PARD3B: variants seen among roughly 807,000 people sequenced by gnomAD.
PARD3B encodes the protein partitioning defective 3 homolog B.
Under a neutral mutation model 130.2 loss-of-function variants are expected in PARD3B, and 103 were observed. The observed-to-expected ratio is 0.79, with a 90% CI of 0.67 to 0.93. The LOEUF is 0.93. Among genes scored for constraint, PARD3B ranks in the 40% least tolerant of loss-of-function variants. The pLI, the probability that PARD3B is intolerant of heterozygous loss-of-function variation, is 0.00. For missense variants in PARD3B, 1,609 were observed against 1,499.2 expected, an observed-to-expected ratio of 1.07 and a Z score of -1.21; for synonymous variants, 583 against 553.2, an observed-to-expected ratio of 1.05 and a Z score of -0.76.
At position 204,741,582 on chromosome 2, in the gene PARD3B, A is replaced by T. The variant is rs2040013731; in HGVS notation, c.222+55300A>T. Among the ~76,000 whole-genome samples the T allele has an allele frequency of 2.6e-5, 4 of 152,270 alleles. No individual in the cohort carries two copies. In the South Asian group the frequency reaches 8.3e-4, roughly 32 times the overall value. ...TTATTTTCCAAGTAGTCTTTAGTTT[A>T]TTAAGACTATGTTTATTCTTACTAG... On this transcript the variant is annotated intron_variant, in intron 2 of 22. Transcript: ENST00000406610.
chr2:204,865,315 C>G (rs2045365167), intron 2 of PARD3B, among the ~76,000 whole-genome samples: 1 of 152,204 alleles, frequency 6.6e-6, no homozygotes, highest in African/African-American at 2.4e-5. Flanking sequence ...AAGATACTTG[C>G]ACACACATTT....
rs1313123579 is a variant in PARD3B, at chr2:204,799,624, T to G, written c.222+113342T>G. Among the ~76,000 whole-genome samples the G allele has an allele frequency of 1.3e-5, 2 of 152,118 alleles. No homozygotes were observed. Among genetic ancestry groups the G allele is most frequent in the Non-Finnish European group, 2.9e-5 (2 of 68,016 alleles). On this transcript the variant is annotated intron_variant, in intron 2 of 22. Transcript: ENST00000406610. This position sits in a 1 kb window ranked among gnomAD's most constrained non-coding sequence, Gnocchi z 4.1. ...CAGACTCAGTGGTGGTGGCCACAGG[T>G]GTGCTCATGTTATCCCTCTCCAGCT...
intron 20 of PARD3B, among the ~76,000 whole-genome samples, chr2:205,467,248 C>T (rs60862960): frequency 0.042 from 6,423 of 152,200 alleles, 463 homozygotes; most frequent in African/African-American, 0.15. Flanking sequence ...GAAATGTTTC[C>T]GTGGGGCTTG....
chr2:205,014,964 T>G (rs1227355597), intron 3 of PARD3B, among the ~76,000 whole-genome samples: 1 of 152,192 alleles, frequency 6.6e-6, no homozygotes, highest in East Asian at 1.9e-4. Context: ...ATTTCTTATT[T>G]TAGCACCTCA....
In PARD3B at chr2:205,146,520, G is replaced by C. The variant is rs547857632; in HGVS notation, c.1435-12202G>C. 2.0e-5 allele frequency among the ~76,000 whole-genome samples: 3 copies of C among 151,756 alleles called. No homozygotes were observed. Among genetic ancestry groups the C allele is most frequent in the Non-Finnish European group, 4.4e-5 (3 of 67,908 alleles). ...AAAACATTTATCTGGGCGTGGTGGCGGGCGCCTGTAGTCCCAGCTACTCGG... is the reference window on the plus strand; with the variant it reads ...AAAACATTTATCTGGGCGTGGTGGCCGGCGCCTGTAGTCCCAGCTACTCGG... On this transcript the variant is annotated intron_variant, in intron 10 of 22. Transcript: ENST00000406610. This position sits in a 1 kb window ranked among gnomAD's most constrained non-coding sequence, Gnocchi z 4.3.
At position 204,778,341 on chromosome 2, in the gene PARD3B, G is replaced by GA. The variant is rs367632403; in HGVS notation, c.222+92068dup. Among the ~76,000 whole-genome samples, 972 of 150,390 alleles carry GA rather than the reference G, an allele frequency of 6.5e-3. 11 individuals are homozygous for GA. Among genetic ancestry groups the GA allele is most frequent in the African/African-American group, 0.023 (935 of 40,962 alleles). ...TAACTTAGTCACTTTTATGTTTTAGGAAAAAAAAAGACACTGGCTGAAAGG... is the reference window on the plus strand; with the variant it reads ...TAACTTAGTCACTTTTATGTTTTAGGAAAAAAAAAAGACACTGGCTGAAAGG... On this transcript the variant is annotated intron_variant, in intron 2 of 22. Coordinates refer to ENST00000406610, the MANE Select transcript of PARD3B (RefSeq NM_001302769.2).
rs2054380669 is a variant in PARD3B at position 205,591,375 on chromosome 2, A to G, written c.3261-24081A>G. Reference sequence around the variant, plus strand: ...TTTGAATATTTGAAAGACTGAGAAAAGCACATGAGAAGTTATGGAATCAAG... The same window carrying G: ...TTTGAATATTTGAAAGACTGAGAAAGGCACATGAGAAGTTATGGAATCAAG... On this transcript the variant is annotated intron_variant, in intron 22 of 22. Transcript: ENST00000406610. This position sits in a 1 kb window ranked among gnomAD's most constrained non-coding sequence, Gnocchi z 4.2. 6.6e-6 allele frequency among the ~76,000 whole-genome samples: 1 copy of G among 152,258 alleles called. No individual in the cohort carries two copies. Among genetic ancestry groups the G allele is most frequent in the African/African-American group, 2.4e-5 (1 of 41,476 alleles).
Position 205,125,660 on chromosome 2 carries a change from C to G in PARD3B, c.1357C>G (p.Leu453Val). Reference protein sequence around the residue: ...GRTQEELVAMLRSTKQGETAS... With the variant: ...GRTQEELVAMVRSTKQGETAS... The stretch of plus-strand genomic sequence containing the variant: ...AACCCAGGAAGAGCTTGTGGCCATG[C>G]TCAGGAGCACCAAGCAGGGGGAGAC... The change falls in exon 10 of 23, where the codon CTC becomes GTC. Residue 453 changes from leucine (L) to valine (V), a missense_variant. Physicochemically the swap from Leu to Val is conservative, Grantham distance 32. Transcript: ENST00000406610. The surrounding 1 kb of genome is among the most constrained non-coding windows in gnomAD (Gnocchi z 4.0). The G allele has an allele frequency of 6.2e-7, 1 of 1,614,052 alleles. No individual in the cohort carries two copies. Among genetic ancestry groups the G allele is most frequent in the Non-Finnish European group, 8.5e-7 (1 of 1,180,000 alleles).
rs1260605337 is a variant in PARD3B, at chr2:205,113,474, G to T, written c.594-17G>T. On this transcript the variant is annotated splice_polypyrimidine_tract_variant and intron_variant, in intron 5 of 22. Transcript: ENST00000406610. ...TTAGCAGACACTCATTTGTGCTCTTGTTTTTTTCTGCCCCAGTGATATGAC... is the reference window on the plus strand; with the variant it reads ...TTAGCAGACACTCATTTGTGCTCTTTTTTTTTTCTGCCCCAGTGATATGAC... The T allele has an allele frequency of 6.3e-7, 1 of 1,598,194 alleles. No homozygotes were observed. The highest frequency in any genetic ancestry group is 1.7e-4 in the Middle Eastern group (1 of 6,022).
chr2:204,763,910 T>C (rs2041017532), intron 2 of PARD3B, among the ~76,000 whole-genome samples: 2 of 152,234 alleles, frequency 1.3e-5, no homozygotes. Context: ...ATTTTTAATC[T>C]ATGTAATACT....
intron 18 of PARD3B, among the ~76,000 whole-genome samples, chr2:205,369,389 C>T (rs887097703): frequency 1.3e-5 from 2 of 152,146 alleles, no homozygotes; most frequent in African/African-American, 4.8e-5. Context: ...ATCTTTCTCC[C>T]GTGTCCCATT....
In PARD3B at chr2:204,688,709, A is replaced by G. The variant is rs188560803; in HGVS notation, c.222+2427A>G. Among the ~76,000 whole-genome samples the G allele has an allele frequency of 2.2e-4, 33 of 152,122 alleles. No individual in the cohort carries two copies. In the East Asian group the frequency reaches 5.0e-3, roughly 23 times the overall value. ...GCCCTGCCAAATTTCATTTTACCTT[A>G]CTTTTTGGCAGTTTAGATTAAGAAG... On this transcript the variant is annotated intron_variant, in intron 2 of 22. Transcript: ENST00000406610.
chr2:205,429,049 C>G (rs117964018), intron 19 of PARD3B, among the ~76,000 whole-genome samples: 4 of 152,046 alleles, frequency 2.6e-5, no homozygotes, highest in African/African-American at 9.7e-5. Context: ...GCCAGAAGAA[C>G]GAAAGAGCTC....
At position 205,368,794 on chromosome 2, in the gene PARD3B, A is replaced by G. The variant is rs962445186; in HGVS notation, c.2631-32219A>G. 2.6e-5 allele frequency among the ~76,000 whole-genome samples: 4 copies of G among 151,956 alleles called. 1 individual carries two copies. The highest frequency in any genetic ancestry group is 9.7e-5 in the African/African-American group (4 of 41,324). On this transcript the variant is annotated intron_variant, in intron 18 of 22. Transcript: ENST00000406610. ...AGACTGGTAGGCATGTCGTGTCCTC[A>G]GGCACTGTGTCTACCTTGTAACACA...
chr2:204,595,947 A>C (rs567207552), intron 1 of PARD3B, among the ~76,000 whole-genome samples: 6 of 152,334 alleles, frequency 3.9e-5, no homozygotes, highest in Admixed American at 2.6e-4. Context: ...TGAGCAACTG[A>C]TTATTTGCAG....
intron 18 of PARD3B, among the ~76,000 whole-genome samples, chr2:205,367,665 G>T (rs2044660278): frequency 6.6e-6 from 1 of 152,122 alleles, no homozygotes; most frequent in Non-Finnish European, 1.5e-5. Context: ...CATCTCAGAG[G>T]CCAAAACCAC....
chr2:205,090,907 A>G (rs1401674813), intron 4 of PARD3B, among the ~76,000 whole-genome samples: 1 of 152,186 alleles, frequency 6.6e-6, no homozygotes, highest in Non-Finnish European at 1.5e-5. Flanking sequence ...CAGTCGGCCA[A>G]TTTCATCCTC....
intron 18 of PARD3B, among the ~76,000 whole-genome samples, chr2:205,400,565 C>G (rs763905674): frequency 5.9e-5 from 9 of 151,920 alleles, no homozygotes; most frequent in Non-Finnish European, 1.0e-4. Context: ...CGCTTGAACC[C>G]CGGGTAGCAG....
At chr2:204,726,840 G>A (rs1339579957) in intron 2 of PARD3B, among the ~76,000 whole-genome samples, 3 of 152,150 alleles carry the variant, frequency 2.0e-5, no homozygotes, top group African/African-American at 4.8e-5. Flanking sequence ...ATCTGAGCCT[G>A]TAAACATGAA....
Sources: gnomAD v4.1 joint callset for allele counts (sites outside exome capture counted in the v4.1 genomes callset) on GRCh38, gnomAD v4.1.1 for gene constraint, Gnocchi (gnomAD v3.1) non-coding constraint, MANE v1.5 for transcripts, NCBI Gene and HGNC (gene_info 2026-07-23, HGNC 2026-07-21) for gene names.